YPEL1: variants seen among roughly 807,000 people sequenced by gnomAD.
YPEL1 encodes the protein protein yippee-like 1.
A neutral mutation model predicts 17.3 loss-of-function variants in YPEL1; 7 were observed. The observed-to-expected ratio is 0.40, with a 90% CI of 0.23 to 0.76. YPEL1 has a LOEUF of 0.76. Ranked by LOEUF, YPEL1 falls within the 30% of genes least tolerant of loss-of-function variation. YPEL1 has a pLI of 0.35. For missense variants in YPEL1, 91 were observed against 155.5 expected (o/e 0.59, Z 2.21); for synonymous variants, 59 against 59.6 (o/e 0.99, Z 0.05).
chr22:21,700,059 CTG>C lies in YPEL1; in HGVS notation c.*1068_*1069del, dbSNP rs2068049436. On this transcript the variant is annotated 3_prime_UTR_variant, in exon 5 of 5. Transcript: ENST00000339468. ...TCTAAAATGTCATCTGTGCTGGCCT[CTG>C]TTTTTGAACAAGCTAAAAACCAAAA... 1 of 152,478 alleles carries C rather than the reference CTG, an allele frequency of 6.6e-6. No homozygotes were observed. Among genetic ancestry groups the C allele is most frequent in the African/African-American group, 2.4e-5 (1 of 41,564 alleles). The allele number at this position is 152,478 out of a possible 1,614,324, so 9.4% of individuals were successfully genotyped here.
Position 21,698,840 on chromosome 22 carries a change from G to A in YPEL1, c.*2289C>T, listed in dbSNP as rs975610773. ...GCACGCGAGCTCAGGAGGACAGGATGTGCTGGGCCAGCCTAAACCCTCGGG... is the reference window on the plus strand; with the variant it reads ...GCACGCGAGCTCAGGAGGACAGGATATGCTGGGCCAGCCTAAACCCTCGGG... On this transcript the variant is annotated 3_prime_UTR_variant, in exon 5 of 5. Transcript: ENST00000339468. 6.6e-6 allele frequency: 1 copy of A among 152,520 alleles called. No individual in the cohort carries two copies. The highest frequency in any genetic ancestry group is 1.5e-5 in the Non-Finnish European group (1 of 68,154). The allele number at this position is 152,520 out of a possible 1,614,324, so 9.4% of individuals were successfully genotyped here. A position where few individuals can be genotyped will look rare whatever the true frequency, so the allele number is the denominator to read the frequency against.
intron 2 of YPEL1, among the ~76,000 whole-genome samples, chr22:21,706,607 A>G (rs1278687655): frequency 5.3e-5 from 8 of 151,960 alleles, no homozygotes; most frequent in Non-Finnish European, 1.2e-4. Flanking sequence ...GCACTTTGAG[A>G]GGCCAGGGTG....
At chr22:21,715,550 T>C (rs918430725) in intron 1 of YPEL1, among the ~76,000 whole-genome samples, 5 of 151,668 alleles carry the variant, frequency 3.3e-5, no homozygotes, top group African/African-American at 9.7e-5. Flanking sequence ...GCTTACTATG[T>C]ATAGTTCAAA....
At chr22:21,712,521 T>C (rs956267955) in intron 1 of YPEL1, among the ~76,000 whole-genome samples, 1 of 151,548 alleles carries the variant, frequency 6.6e-6, no homozygotes, top group African/African-American at 2.4e-5. Context: ...GGTCAGGAGA[T>C]CGAGACCACC....
At chr22:21,731,871 G>A (rs1026103563) in intron 1 of YPEL1, among the ~76,000 whole-genome samples, 2 of 152,208 alleles carry the variant, frequency 1.3e-5, no homozygotes, top group African/African-American at 4.8e-5. Context: ...ATGTTAAGGG[G>A]GATGATCCTT....
chr22:21,710,064 C>CACTG (rs2068150666), intron 2 of YPEL1, among the ~76,000 whole-genome samples: 1 of 152,236 alleles, frequency 6.6e-6, no homozygotes, highest in Non-Finnish European at 1.5e-5. Flanking sequence ...CAACGCCACA[C>CACTG]ACTGCTAATG....
In YPEL1 at chr22:21,699,296, A is replaced by T. The variant is rs1436127858; in HGVS notation, c.*1833T>A. ...CTTCAGAGCCACTTGCCAGGCTGAG[A>T]ACTATCCGGGCTCAGTGCTCTCCTA... On this transcript the variant is annotated 3_prime_UTR_variant, in exon 5 of 5. Transcript: ENST00000339468. 1 of 152,438 alleles carries T rather than the reference A, an allele frequency of 6.6e-6. No individual in the cohort carries two copies. The highest frequency in any genetic ancestry group is 2.4e-5 in the African/African-American group (1 of 41,450). 9.4% of individuals were successfully genotyped at this position (152,438 alleles called of 1,614,324 possible). A position where few individuals can be genotyped will look rare whatever the true frequency, so the allele number is the denominator to read the frequency against.
At chr22:21,735,361 C>A (rs73149926) in intron 1 of YPEL1, among the ~76,000 whole-genome samples, 2 of 149,862 alleles carry the variant, frequency 1.3e-5, no homozygotes, top group Non-Finnish European at 3.0e-5. Flanking sequence ...AGAGGGACAG[C>A]GGGGGAGGTG....
chr22:21,708,331 C>CTTTTTT (rs775485136), intron 2 of YPEL1, among the ~76,000 whole-genome samples: 26 of 102,110 alleles, frequency 2.5e-4, no homozygotes, highest in Non-Finnish European at 3.7e-4. Flanking sequence ...AGGCTTCTGC[C>CTTTTTT]TTTTTTTTTT....
chr22:21,726,190 C>T (rs750367963), intron 1 of YPEL1, among the ~76,000 whole-genome samples: 1 of 152,144 alleles, frequency 6.6e-6, no homozygotes, highest in African/African-American at 2.4e-5. Context: ...GAGCAGTGCA[C>T]AAGCCAGGGC....
At chr22:21,719,167 C>A (rs2068256131) in intron 1 of YPEL1, among the ~76,000 whole-genome samples, 2 of 152,188 alleles carry the variant, frequency 1.3e-5, no homozygotes, top group Admixed American at 1.3e-4. Context: ...CGGCCACCAC[C>A]CTCCAGGAGC....
Position 21,710,723 on chromosome 22 carries a change from T to G in YPEL1, c.22A>C (p.Lys8Gln), listed in dbSNP as rs1045619562. Residue 8 changes from lysine (K) to glutamine (Q), a missense_variant, in exon 2 of 5, where the codon AAA becomes CAA. Transcript: ENST00000339468. ...TTCGGCAGATACGCTTGGAAAGTTT[T>G]GGACTTTGTCATTTTCACCATCTCT... MVKMTKS[K>Q]TFQAYLPNCH... The G allele has an allele frequency of 5.6e-6, 9 of 1,614,254 alleles. No homozygotes were observed. Among genetic ancestry groups the G allele is most frequent in the Non-Finnish European group, 7.6e-6 (9 of 1,180,040 alleles).
chr22:21,718,716 C>T (rs1251139341), intron 1 of YPEL1, among the ~76,000 whole-genome samples: 2 of 152,098 alleles, frequency 1.3e-5, no homozygotes, highest in African/African-American at 4.8e-5. Flanking sequence ...CATTTATCAA[C>T]AGAGATGACT....
chr22:21,707,451 C>T (rs1313193853), intron 2 of YPEL1, among the ~76,000 whole-genome samples: 1 of 152,096 alleles, frequency 6.6e-6, no homozygotes, highest in South Asian at 2.1e-4. Context: ...AAAACAAGAG[C>T]CCCCAGTTGT....
rs775485136 is a variant in YPEL1 at position 21,708,331 on chromosome 22, C to CTTT, written c.117+2294_117+2296dup. ...AAATGACTTCTGAGCAGGCTTCTGC[C>CTTT]TTTTTTTTTTTTTTTTTTTTTTGAG... On this transcript the variant is annotated intron_variant, in intron 2 of 4. Transcript: ENST00000339468. 3.5e-3 allele frequency among the ~76,000 whole-genome samples: 357 copies of CTTT among 102,130 alleles called. 3 individuals are homozygous for CTTT. The highest frequency in any genetic ancestry group is 4.5e-3 in the Non-Finnish European group (230 of 51,534). 67.0% of individuals were successfully genotyped at this position (102,130 alleles called of 152,430 possible).
In YPEL1 at chr22:21,710,506, C is replaced by G. The variant is rs527805393; in HGVS notation, c.117+122G>C. 15 of 873,500 alleles carry G rather than the reference C, an allele frequency of 1.7e-5. No individual in the cohort carries two copies. In the East Asian group the frequency reaches 3.4e-4, roughly 20 times the overall value. The allele number at this position is 873,500 out of a possible 1,614,324, so 54.1% of individuals were successfully genotyped here. On this transcript the variant is annotated intron_variant, in intron 2 of 4. Coordinates refer to ENST00000339468, the MANE Select transcript of YPEL1 (RefSeq NM_013313.5). ...GCTCACCAATGCTGCCTAGAAGGCT[C>G]TAGACGTTCAGGACACAGCAGACTC... is the stretch of plus-strand genomic sequence containing the variant.
In YPEL1 at chr22:21,699,897, C is replaced by T. The variant is rs898494470; in HGVS notation, c.*1232G>A. 1.3e-5 allele frequency: 2 copies of T among 152,510 alleles called. No individual in the cohort carries two copies. The highest frequency in any genetic ancestry group is 4.8e-5 in the African/African-American group (2 of 41,448). 9.4% of individuals were successfully genotyped at this position (152,510 alleles called of 1,614,324 possible). The stretch of plus-strand genomic sequence containing the variant: ...ACCCCTGGTACCAGACCCTGTGAGG[C>T]TGTCACCTCAGTAAGGGCACCTCTG... On this transcript the variant is annotated 3_prime_UTR_variant, in exon 5 of 5. Transcript: ENST00000339468.
intron 1 of YPEL1, among the ~76,000 whole-genome samples, chr22:21,715,742 T>C (rs1259004528): frequency 3.1e-5 from 3 of 96,144 alleles, no homozygotes; most frequent in Admixed American, 1.1e-4. Context: ...CCACCACACC[T>C]AATTTTTCTT....
At chr22:21,728,320 T>C (rs573604310) in intron 1 of YPEL1, among the ~76,000 whole-genome samples, 1 of 151,972 alleles carries the variant, frequency 6.6e-6, no homozygotes, top group South Asian at 2.1e-4. Context: ...GCACCGTCCT[T>C]GGGATTAGAA....
Sources: allele counts gnomAD v4.1 joint callset (sites outside exome capture counted in the v4.1 genomes callset), GRCh38; gene constraint gnomAD v4.1.1; transcripts MANE v1.5; gene names NCBI Gene and HGNC (gene_info 2026-07-23, HGNC 2026-07-21).